The following CXADR variants were observed in gnomAD, a reference collection of about 807,000 sequenced individuals.
CXADR encodes CXADR cell adhesion molecule.
Under a neutral mutation model 40.3 loss-of-function variants are expected in CXADR, and 20 were observed. That is an observed-to-expected ratio of 0.50 (90% CI 0.35 to 0.72). CXADR has a LOEUF of 0.72. Ranked by LOEUF, CXADR falls within the 30% of genes least tolerant of loss-of-function variation. The pLI, the probability that CXADR is intolerant of heterozygous loss-of-function variation, is 0.01. For synonymous variants in CXADR, 150 were observed against 161.3 expected (o/e 0.93, Z 0.53); for missense variants, 332 against 449.1 (o/e 0.74, Z 2.36).
chr21:17,608,335 T>C, the CXADR span, among the ~76,000 whole-genome samples: 1,346 of 151,424 alleles, frequency 8.9e-3, 8 homozygotes, highest in South Asian at 0.035. Context: ...GTTATACCAC[T>C]GCACTCTAGA....
exon 8 of CXADR, chr21:17,593,224 T>G (rs1240839338): frequency 7.2e-7 from 1 of 1,393,620 alleles, no homozygotes; most frequent in South Asian, 1.8e-5. Flanking sequence ...TGAAGTATTG[T>G]ATTATTTGAC....
rs541559020 is a variant in CXADR at position 17,591,856 on chromosome 21, G to A, written c.1018-1296G>A. 2.0e-5 allele frequency among the ~76,000 whole-genome samples: 3 copies of A among 151,984 alleles called. No individual in the cohort carries two copies. The South Asian group carries it at 6.2e-4, about 32-fold the overall frequency. ...GAGTCATAATTACTACTAAAAAAGG[G>A]TTTGGCAAACTTTTGTACCCCATGC... On this transcript the variant is annotated intron_variant, in intron 7 of 7. Transcript: ENST00000400169.
Position 17,526,054 on chromosome 21 carries a change from C to T in CXADR, c.43+12882C>T, listed in dbSNP as rs77002129. Among the ~76,000 whole-genome samples, 852 of 152,286 alleles carry T rather than the reference C, an allele frequency of 5.6e-3. 33 individuals carry two copies. The East Asian group carries it at 0.11, about 19-fold the overall frequency. On this transcript the variant is annotated intron_variant, in intron 1 of 6. Transcript: ENST00000284878. Reference sequence around the variant, plus strand: ...AATATTGGGATATTAAAATGTTTTTCGTACTTTGCCAGAATCTGGTCAGTG... The same window carrying T: ...AATATTGGGATATTAAAATGTTTTTTGTACTTTGCCAGAATCTGGTCAGTG...
At chr21:17,607,493 T>A in the CXADR span, among the ~76,000 whole-genome samples, 3 of 152,244 alleles carry the variant, frequency 2.0e-5, no homozygotes, top group Non-Finnish European at 4.4e-5. Flanking sequence ...ACTGGAAACC[T>A]CTTTGGATTA....
chr21:17,565,676 A>T lies in CXADR; in HGVS notation c.1082A>T (p.Asp361Val), dbSNP rs1158407428. 1 of 1,611,838 alleles carries T rather than the reference A, an allele frequency of 6.2e-7. No homozygotes were observed. The highest frequency in any genetic ancestry group is 1.3e-5 in the African/African-American group (1 of 74,828). ...GTGATGATTCCAGCACAGAGCAAGGATGGGTCTATAGTATAGAGCCTCCAT... is the reference window on the plus strand; with the variant it reads ...GTGATGATTCCAGCACAGAGCAAGGTTGGGTCTATAGTATAGAGCCTCCAT... The part of the protein sequence containing the change: ...IPVMIPAQSK[D>V]GSIV The change falls in exon 7 of 7, where the codon GAT (aspartate) becomes GTT (valine). Residue 361 changes from aspartate to valine, a missense_variant. Coordinates refer to ENST00000284878, the MANE Select transcript of CXADR (RefSeq NM_001338.5).
downstream of CXADR, chr21:17,570,202 C>A: frequency 2.0e-6 from 2 of 983,834 alleles, no homozygotes; most frequent in Non-Finnish European, 1.2e-6. Flanking sequence ...TTTCCTTCCC[C>A]CCGTGTATCC....
intron 4 of CXADR, 147 bp downstream of exon 4, chr21:17,559,278 C>T: frequency 1.3e-6 from 1 of 779,326 alleles, no homozygotes. Flanking sequence ...CTCCTAGGCT[C>T]AAGTCATCCT....
chr21:17,513,248 TGGGGCGTGGGGGAG>T, intron 1 of CXADR, 76 bp downstream of exon 1: 1 of 1,260,300 alleles, frequency 7.9e-7, no homozygotes, highest in African/African-American at 1.6e-5. Context: ...CCAGGAACAA[TGGGGCGTGGGGGAG>T]GGGGCGGGCG....
downstream of CXADR, among the ~76,000 whole-genome samples, chr21:17,571,138 A>C (rs1285249453): frequency 6.6e-6 from 1 of 152,200 alleles, no homozygotes; most frequent in Admixed American, 6.5e-5. Flanking sequence ...TACTGATGTG[A>C]AATTTTCTAC....
intron 7 of CXADR, among the ~76,000 whole-genome samples, chr21:17,584,534 A>T (rs1260046380): frequency 6.6e-6 from 1 of 152,184 alleles, no homozygotes; most frequent in Non-Finnish European, 1.5e-5. Flanking sequence ...GAAAGTTTTA[A>T]AAAGTCCTGC....
intron 1 of CXADR, among the ~76,000 whole-genome samples, chr21:17,530,593 C>G (rs2060661082): frequency 6.6e-6 from 1 of 152,058 alleles, no homozygotes; most frequent in African/African-American, 2.4e-5. Flanking sequence ...ATGGGCCTAT[C>G]ACTTGAGGTT....
At chr21:17,546,272 A>T (rs1244843489) in intron 1 of CXADR, among the ~76,000 whole-genome samples, 3 of 152,224 alleles carry the variant, frequency 2.0e-5, no homozygotes, top group Non-Finnish European at 4.4e-5. Flanking sequence ...ACAGTGACTT[A>T]GTTCCCTGTG....
chr21:17,576,542 C>G (rs1601049931), intron 7 of CXADR, among the ~76,000 whole-genome samples: 1 of 152,244 alleles, frequency 6.6e-6, no homozygotes, highest in East Asian at 1.9e-4. Context: ...TACCTCATAT[C>G]TCACTAATAT....
intron 6 of CXADR, among the ~76,000 whole-genome samples, chr21:17,565,183 T>G (rs540381657): frequency 4.3e-4 from 65 of 152,326 alleles, no homozygotes; most frequent in African/African-American, 1.5e-3. Context: ...GTAAATACCA[T>G]ATTTCATTAA....
the CXADR span, among the ~76,000 whole-genome samples, chr21:17,633,352 C>T: frequency 6.6e-6 from 1 of 152,138 alleles, no homozygotes; most frequent in African/African-American, 2.4e-5. Context: ...ATGGCTTGAG[C>T]CTAGGAGTCC....
chr21:17,552,208 G>T (rs2060977730), intron 3 of CXADR, among the ~76,000 whole-genome samples: 1 of 152,182 alleles, frequency 6.6e-6, no homozygotes, highest in Non-Finnish European at 1.5e-5. Flanking sequence ...TTATGGTATG[G>T]AGGAAGAACC....
intron 7 of CXADR, among the ~76,000 whole-genome samples, chr21:17,577,100 A>G (rs1161878953): frequency 6.6e-6 from 1 of 152,192 alleles, no homozygotes; most frequent in East Asian, 1.9e-4. Flanking sequence ...ACCTGCCAGT[A>G]ACGAGAGTGC....
At chr21:17,529,426 T>A (rs1047115344) in intron 1 of CXADR, among the ~76,000 whole-genome samples, 1 of 152,160 alleles carries the variant, frequency 6.6e-6, no homozygotes, top group Non-Finnish European at 1.5e-5. Context: ...GTTCAAGTGA[T>A]TCTCATGCCT....
intron 1 of CXADR, among the ~76,000 whole-genome samples, chr21:17,545,228 C>A (rs1046526412): frequency 4.6e-5 from 7 of 151,566 alleles, no homozygotes; most frequent in Non-Finnish European, 8.8e-5. Context: ...GACATAGGTC[C>A]AAATAGAGTT....
Sources: allele counts gnomAD v4.1 joint callset (sites outside exome capture counted in the v4.1 genomes callset), GRCh38; gene constraint gnomAD v4.1.1; transcripts MANE v1.5; gene names NCBI Gene and HGNC (gene_info 2026-07-23, HGNC 2026-07-21).